Variants in IGF2BP2 observed in about 807,000 individuals in gnomAD.
The protein encoded by IGF2BP2 is insulin-like growth factor 2 mRNA-binding protein 2.
Under a neutral mutation model 75.8 loss-of-function variants are expected in IGF2BP2, and 17 were observed. The ratio of observed to expected loss-of-function variants is 0.22; its 90% CI spans 0.15 to 0.34. IGF2BP2 has a LOEUF of 0.34. IGF2BP2 is among the 10% of genes least tolerant of loss of function. IGF2BP2 has a pLI of 1.00. For missense variants in IGF2BP2, 516 were observed against 772.4 expected (o/e 0.67, Z 3.93); for synonymous variants, 288 against 295.6 (o/e 0.97, Z 0.26).
intron 10 of IGF2BP2, among the ~76,000 whole-genome samples, chr3:185,668,669 C>T (rs1460514608): frequency 6.6e-6 from 1 of 150,908 alleles, no homozygotes; most frequent in African/African-American, 2.4e-5. Context: ...ACATAAGACA[C>T]CACAAATAAA....
chr3:185,808,078 G>A (rs1367687545), intron 2 of IGF2BP2, among the ~76,000 whole-genome samples: 3 of 149,548 alleles, frequency 2.0e-5, no homozygotes, highest in Non-Finnish European at 3.0e-5. Context: ...CTGGGAGTTC[G>A]AGTCCAGCCT....
chr3:185,723,353 GT>G (rs1178875910), intron 2 of IGF2BP2, among the ~76,000 whole-genome samples: 2 of 152,188 alleles, frequency 1.3e-5, no homozygotes, highest in African/African-American at 4.8e-5. Flanking sequence ...ATCAGATAAA[GT>G]CATTTTCACA....
intron 2 of IGF2BP2, among the ~76,000 whole-genome samples, chr3:185,804,362 G>C (rs1436372035): frequency 2.6e-5 from 4 of 151,746 alleles, no homozygotes; most frequent in African/African-American, 9.7e-5. Flanking sequence ...AACCCGGGAG[G>C]CAGAGGTTGC....
At chr3:185,772,453 C>T (rs1734003082) in intron 2 of IGF2BP2, among the ~76,000 whole-genome samples, 1 of 152,028 alleles carries the variant, frequency 6.6e-6, no homozygotes, top group Non-Finnish European at 1.5e-5. Context: ...AGATTCTCAT[C>T]TCTCCTTCAC....
chr3:185,759,319 C>G (rs1167899714), intron 2 of IGF2BP2, among the ~76,000 whole-genome samples: 2 of 152,204 alleles, frequency 1.3e-5, no homozygotes, highest in African/African-American at 2.4e-5. Flanking sequence ...ACTGTCTGCT[C>G]TACCCATTTC....
At position 185,643,134 on chromosome 3, in the gene IGF2BP2, G is replaced by A. The variant is rs1271113152; in HGVS notation, c.*2397C>T. Among the ~76,000 whole-genome samples, 3 of 152,108 alleles carry A rather than the reference G, an allele frequency of 2.0e-5. No individual in the cohort carries two copies. Among genetic ancestry groups the A allele is most frequent in the Admixed American group, 2.0e-4 (3 of 15,282 alleles). Reference sequence around the variant, plus strand: ...CTCACATGCAGTGAGACACTAAAACGTGTATGACTCATTTTATTGCAAAGT... The same window carrying A: ...CTCACATGCAGTGAGACACTAAAACATGTATGACTCATTTTATTGCAAAGT... On this transcript the variant is annotated 3_prime_UTR_variant, in exon 16 of 16. Coordinates refer to ENST00000382199, the MANE Select transcript of IGF2BP2 (RefSeq NM_006548.6).
At chr3:185,748,125 C>A (rs1000109006) in intron 2 of IGF2BP2, among the ~76,000 whole-genome samples, 1 of 152,034 alleles carries the variant, frequency 6.6e-6, no homozygotes, top group Non-Finnish European at 1.5e-5. Context: ...AGGATGGTCT[C>A]GATCTCCTGA....
intron 2 of IGF2BP2, among the ~76,000 whole-genome samples, chr3:185,729,406 T>C (rs1727832600): frequency 6.6e-6 from 1 of 152,238 alleles, no homozygotes; most frequent in Non-Finnish European, 1.5e-5. Context: ...ACTCACAGTA[T>C]TTGTTGCCAA....
chr3:185,663,986 G>A (rs1481788177), intron 10 of IGF2BP2, among the ~76,000 whole-genome samples: 2 of 152,216 alleles, frequency 1.3e-5, no homozygotes, highest in Non-Finnish European at 2.9e-5. Flanking sequence ...CTGCAAAGCT[G>A]GCAGGTGCTC....
intron 2 of IGF2BP2, among the ~76,000 whole-genome samples, chr3:185,759,058 C>T (rs1159698225): frequency 6.6e-6 from 1 of 152,290 alleles, no homozygotes; most frequent in South Asian, 2.1e-4. Flanking sequence ...GGGGGACACA[C>T]CTAGTAGACA....
chr3:185,784,980 G>T (rs1355347766), intron 2 of IGF2BP2, among the ~76,000 whole-genome samples: 1 of 152,148 alleles, frequency 6.6e-6, no homozygotes, highest in Non-Finnish European at 1.5e-5. Context: ...GGAAAATAAT[G>T]AAATGCCTGT....
rs541810588 is a variant in IGF2BP2, at chr3:185,732,521, AT to A, written c.240-34175del. Among the ~76,000 whole-genome samples, 609 of 152,278 alleles carry A rather than the reference AT, an allele frequency of 4.0e-3. 8 individuals carry two copies. The highest frequency in any genetic ancestry group is 7.5e-3 in the South Asian group (36 of 4,826). On this transcript the variant is annotated intron_variant, in intron 2 of 15. Transcript: ENST00000382199. ...CTGAAACTGTAAAACTGAGATCCAAATCTGGGACTTCAAAACCCTCTAAGGC... is the reference window on the plus strand; with the variant it reads ...CTGAAACTGTAAAACTGAGATCCAAACTGGGACTTCAAAACCCTCTAAGGC...
At chr3:185,782,591 T>C (rs984924008) in intron 2 of IGF2BP2, among the ~76,000 whole-genome samples, 1 of 152,158 alleles carries the variant, frequency 6.6e-6, no homozygotes, top group Non-Finnish European at 1.5e-5. Flanking sequence ...CACTATACCA[T>C]GGCACTTACA....
At chr3:185,741,797 G>A (rs1401144863) in intron 2 of IGF2BP2, among the ~76,000 whole-genome samples, 1 of 152,206 alleles carries the variant, frequency 6.6e-6, no homozygotes, top group Non-Finnish European at 1.5e-5. Context: ...CAAGCACGAG[G>A]TAAGCATGTT....
chr3:185,685,452 G>A (rs1187618906), intron 7 of IGF2BP2, among the ~76,000 whole-genome samples: 1 of 152,084 alleles, frequency 6.6e-6, no homozygotes, highest in African/African-American at 2.4e-5. Flanking sequence ...AAAAGCCCAA[G>A]TAGAATAAAT....
chr3:185,666,729 C>G (rs1717695545), intron 10 of IGF2BP2, among the ~76,000 whole-genome samples: 1 of 151,972 alleles, frequency 6.6e-6, no homozygotes, highest in Non-Finnish European at 1.5e-5. Flanking sequence ...TTTTGTATCA[C>G]TTTATATCAA....
rs1429542686 is a variant in IGF2BP2 at position 185,675,790 on chromosome 3, C to T, written c.935+1G>A. The T allele has an allele frequency of 6.2e-7, 1 of 1,611,934 alleles. No homozygotes were observed. Among genetic ancestry groups the T allele is most frequent in the Non-Finnish European group, 8.5e-7 (1 of 1,179,692 alleles). On this transcript the variant is annotated splice_donor_variant, in intron 8 of 15. Transcript: ENST00000382199. LOFTEE classifies it high-confidence loss of function. ...ATGAGTAATCTGAGTAAGTGGCTTA[C>T]GATGAGATTGTTATCTTGGTCCCTG...
At chr3:185,818,835 T>G (rs981360747) in intron 2 of IGF2BP2, among the ~76,000 whole-genome samples, 4 of 152,314 alleles carry the variant, frequency 2.6e-5, no homozygotes, top group Non-Finnish European at 1.5e-5. Context: ...TATCCTTTTA[T>G]GCATAATTCA....
chr3:185,657,469 G>T, intron 11 of IGF2BP2, 67 bp from the exon 12 acceptor site: 3 of 1,226,816 alleles, frequency 2.4e-6, no homozygotes, highest in Non-Finnish European at 3.6e-6. Flanking sequence ...CACTCAACAG[G>T]TACCAAGCAC....
Sources: allele counts gnomAD v4.1 joint callset (sites outside exome capture counted in the v4.1 genomes callset), GRCh38; gene constraint gnomAD v4.1.1; transcripts MANE v1.5; gene names NCBI Gene and HGNC (gene_info 2026-07-23, HGNC 2026-07-21).